The following MYO7B variants were observed in gnomAD, a reference collection of about 807,000 sequenced individuals.
MYO7B encodes unconventional myosin-VIIb.
In MYO7B, 212 loss-of-function variants were observed where a neutral mutation model predicts 259.7. The observed-to-expected ratio is 0.82, with a 90% CI of 0.73 to 0.91. The LOEUF (loss-of-function observed/expected upper bound fraction) is 0.91, where lower values mean the gene tolerates loss of function less well. Among genes scored for constraint, MYO7B ranks in the 40% least tolerant of loss-of-function variants. The pLI, the probability that MYO7B is intolerant of heterozygous loss-of-function variation, is 0.00. For missense variants in MYO7B, 2,732 were observed against 2,813.5 expected (o/e 0.97, Z 0.66); for synonymous variants, 1,197 against 1,166.4 (o/e 1.03, Z -0.54).
At chr2:127,536,980 A>G (rs1039767332) in intron 1 of MYO7B, among the ~76,000 whole-genome samples, 2 of 152,194 alleles carry the variant, frequency 1.3e-5, no homozygotes, top group African/African-American at 2.4e-5. Flanking sequence ...GATGACCTAT[A>G]TGTGTTGATA....
intron 25 of MYO7B, 55 bp downstream of exon 25, chr2:127,612,382 T>C: frequency 6.6e-7 from 1 of 1,515,982 alleles, no homozygotes; most frequent in Non-Finnish European, 8.9e-7. Context: ...TGCTACAGGG[T>C]TCCAGTCTAT....
In MYO7B at chr2:127,597,513, A is replaced by C. The variant is rs1679817123; in HGVS notation, c.2339+957A>C. On this transcript the variant is annotated intron_variant, in intron 19 of 47. Transcript: ENST00000409816. The surrounding 1 kb of genome is among the most constrained non-coding windows in gnomAD (Gnocchi z 4.8). ...TTTCTAGAATGTTGCCATTGCACAA[A>C]TGTTATATACGTGGAATTATACAAC... 1.3e-5 allele frequency among the ~76,000 whole-genome samples: 2 copies of C among 152,094 alleles called. No individual in the cohort carries two copies. The highest frequency in any genetic ancestry group is 2.9e-5 in the Non-Finnish European group (2 of 68,028).
chr2:127,601,808 G>A (rs1240166868), intron 19 of MYO7B, among the ~76,000 whole-genome samples: 1 of 151,856 alleles, frequency 6.6e-6, no homozygotes, highest in African/African-American at 2.4e-5. Context: ...ACAGATTCTT[G>A]GAAACTATGA....
chr2:127,574,101 T>A (rs772466728), intron 7 of MYO7B, 39 bp downstream of exon 7: 4 of 1,610,474 alleles, frequency 2.5e-6, no homozygotes, highest in African/African-American at 1.3e-5. Flanking sequence ...GTTGAGGGAA[T>A]GGGGGAGGTT....
rs1681701173 is a variant in MYO7B at position 127,634,657 on chromosome 2, TGAA to T, written c.5694_5696del (p.Lys1898del). 4 of 1,611,000 alleles carry T rather than the reference TGAA, an allele frequency of 2.5e-6. No individual in the cohort carries two copies. Among genetic ancestry groups the T allele is most frequent in the Non-Finnish European group, 3.4e-6 (4 of 1,179,388 alleles). On this transcript the variant is annotated inframe_deletion, in exon 42 of 48. Transcript: ENST00000409816. Reference sequence around the variant, plus strand: ...TCCTTGAGGGAGGTGTCTGACTGGGTGAAGAAGAACAAGCCCCAGAAAGAAGGT... The same window carrying T: ...TCCTTGAGGGAGGTGTCTGACTGGGTGAAGAACAAGCCCCAGAAAGAAGGT...
At chr2:127,567,081 G>A (rs1335018786) in intron 5 of MYO7B, among the ~76,000 whole-genome samples, 1 of 152,186 alleles carries the variant, frequency 6.6e-6, no homozygotes, top group East Asian at 1.9e-4. Context: ...CTGAGTCAAG[G>A]AAGGAAGTTG....
chr2:127,635,978 C>T, intron 44 of MYO7B, 71 bp downstream of exon 44: 1 of 1,499,110 alleles, frequency 6.7e-7, no homozygotes, highest in Non-Finnish European at 9.0e-7. Flanking sequence ...AGTGCCATGC[C>T]CTGCCTGGGC....
Position 127,627,392 on chromosome 2 carries a change from G to A in MYO7B, c.4460+82G>A, listed in dbSNP as rs143582238. ...GGGGCTCGGGGAGAGATGGGGAGAG[G>A]GGCAGTGTGCCGTCCCGGGTAACAG... On this transcript the variant is annotated intron_variant, in intron 33 of 47. Transcript: ENST00000409816. The surrounding 1 kb of genome is among the most constrained non-coding windows in gnomAD (Gnocchi z 5.6). 6.1e-4 allele frequency: 927 copies of A among 1,526,826 alleles called. 8 individuals carry two copies. The African/African-American group carries it at 0.011, about 18-fold the overall frequency. The allele number at this position is 1,526,826 out of a possible 1,614,324, so 94.6% of individuals were successfully genotyped here.
rs748126366 is a variant in MYO7B at position 127,609,845 on chromosome 2, C to T, written c.3025-4C>T. 1 of 1,613,502 alleles carries T rather than the reference C, an allele frequency of 6.2e-7. No individual in the cohort carries two copies. The highest frequency in any genetic ancestry group is 8.5e-7 in the Non-Finnish European group (1 of 1,179,642). On this transcript the variant is annotated splice_region_variant and splice_polypyrimidine_tract_variant and intron_variant, in intron 23 of 47. Coordinates refer to ENST00000409816, the MANE Select transcript of MYO7B (RefSeq NM_001393586.1). This position sits in a 1 kb window ranked among gnomAD's most constrained non-coding sequence, Gnocchi z 6.9. ...CCACTGGGCCTTCTGTCTTGTTTCCCCAGGCCGCCCTGGTCATATGGAACG... is the reference window on the plus strand; with the variant it reads ...CCACTGGGCCTTCTGTCTTGTTTCCTCAGGCCGCCCTGGTCATATGGAACG...
At chr2:127,622,265 C>T (rs1006182622) in intron 28 of MYO7B, among the ~76,000 whole-genome samples, 164 bp downstream of exon 28, 2 of 152,150 alleles carry the variant, frequency 1.3e-5, no homozygotes, top group Non-Finnish European at 2.9e-5. Context: ...TGTGAGTGCC[C>T]CTGGGGCTCG....
chr2:127,572,605 C>T (rs1300117835), intron 6 of MYO7B, among the ~76,000 whole-genome samples: 1 of 148,502 alleles, frequency 6.7e-6, no homozygotes, highest in Non-Finnish European at 1.5e-5. Flanking sequence ...TTTTCTCCTT[C>T]TCTCTTTGTT....
intron 19 of MYO7B, among the ~76,000 whole-genome samples, chr2:127,600,710 CA>C (rs577963295): frequency 2.6e-5 from 4 of 152,058 alleles, no homozygotes; most frequent in African/African-American, 9.7e-5. Flanking sequence ...GACTCTGTCT[CA>C]AAAAAACAAA....
chr2:127,630,820 C>T lies in MYO7B; in HGVS notation c.4849C>T (p.Gln1617Ter). 6.2e-7 allele frequency: 1 copy of T among 1,613,034 alleles called. No individual in the cohort carries two copies. Among genetic ancestry groups the T allele is most frequent in the South Asian group, 1.1e-5 (1 of 91,078 alleles). Residue 1617 changes from glutamine (Q) to a stop codon, truncating the protein, a stop_gained, in exon 36 of 48, where the codon CAG becomes TAG. Transcript: ENST00000409816. LOFTEE classifies it high-confidence loss of function. ...ACCAGAGAAGAGGAAGCTGGCGGCT[C>T]AGGAGGGGCAGTTCACAGAGCCACG... ...MSPEKRKLAAQEGQFTEPRPE... is the reference protein window; with the variant it reads ...MSPEKRKLAA
rs1172348041 is a variant in MYO7B, at chr2:127,627,655, G to A, written c.4460+345G>A. The A allele has an allele frequency of 2.1e-6, 1 of 469,582 alleles. No individual in the cohort carries two copies. Among genetic ancestry groups the A allele is most frequent in the Non-Finnish European group, 4.2e-6 (1 of 236,022 alleles). 29.1% of individuals were successfully genotyped at this position (469,582 alleles called of 1,614,324 possible). ...CATGGACGAGAACTGGTGGCCTGGA[G>A]GGTACAGGTTGTCTGGGAAGGCGAC... On this transcript the variant is annotated intron_variant, in intron 33 of 47. Coordinates refer to ENST00000409816, the MANE Select transcript of MYO7B (RefSeq NM_001393586.1). The surrounding 1 kb of genome is among the most constrained non-coding windows in gnomAD (Gnocchi z 5.6).
chr2:127,582,483 G>C, intron 12 of MYO7B, 37 bp downstream of exon 12: 1 of 1,605,784 alleles, frequency 6.2e-7, no homozygotes, highest in Non-Finnish European at 8.5e-7. Context: ...ACTGCTTCCA[G>C]AAAACAGAAG....
chr2:127,610,301 T>C (rs1680332510), intron 24 of MYO7B, among the ~76,000 whole-genome samples: 1 of 152,184 alleles, frequency 6.6e-6, no homozygotes, highest in South Asian at 2.1e-4. Context: ...CAGATTCAGA[T>C]GCACATAACA....
intron 18 of MYO7B, among the ~76,000 whole-genome samples, chr2:127,594,787 A>C (rs1679700065): frequency 6.6e-6 from 1 of 152,142 alleles, no homozygotes; most frequent in Non-Finnish European, 1.5e-5. Context: ...ATTGATTTGC[A>C]TATGTTGAAC....
At chr2:127,631,069 C>T in intron 36 of MYO7B, 137 bp from the exon 37 acceptor site, 1 of 1,392,478 alleles carries the variant, frequency 7.2e-7, no homozygotes, top group South Asian at 1.5e-5. Flanking sequence ...CTTCCCAGGC[C>T]AGGGGAGTCA....
chr2:127,614,774 T>G lies in MYO7B; in HGVS notation c.3398+2171T>G, dbSNP rs186728193. Among the ~76,000 whole-genome samples, 1 of 152,106 alleles carries G rather than the reference T, an allele frequency of 6.6e-6. No homozygotes were observed. Among genetic ancestry groups the G allele is most frequent in the Non-Finnish European group, 1.5e-5 (1 of 68,016 alleles). ...ATGAAGTCCCTTCCAGGAATCACAT[T>G]CCAAATTTCTTATCTTCCCTTATGC... is the stretch of plus-strand genomic sequence containing the variant. On this transcript the variant is annotated intron_variant, in intron 26 of 47. Transcript: ENST00000409816. This position sits in a 1 kb window ranked among gnomAD's most constrained non-coding sequence, Gnocchi z 4.6.
Sources: allele counts gnomAD v4.1 joint callset (sites outside exome capture counted in the v4.1 genomes callset), GRCh38; gene constraint gnomAD v4.1.1; non-coding constraint Gnocchi (gnomAD v3.1); transcripts MANE v1.5; gene names NCBI Gene and HGNC (gene_info 2026-07-23, HGNC 2026-07-21).